The following SLC34A2 variants were observed in gnomAD, a reference collection of about 807,000 sequenced individuals.
The protein encoded by SLC34A2 is sodium-dependent phosphate transport protein 2B.
A neutral mutation model predicts 50.8 loss-of-function variants in SLC34A2; 41 were observed. That is an observed-to-expected ratio of 0.81 (90% CI 0.63 to 1.05). The LOEUF (loss-of-function observed/expected upper bound fraction) is 1.05, where lower values mean the gene tolerates loss of function less well. SLC34A2 is among the 50% of genes least tolerant of loss of function. SLC34A2 has a pLI of 0.00. For missense variants in SLC34A2, 879 were observed against 876.7 expected (o/e 1.00, Z -0.03); for synonymous variants, 401 against 364.2 (o/e 1.10, Z -1.15).
At chr4:25,659,947 G>A (rs1271560027) in intron 1 of SLC34A2, among the ~76,000 whole-genome samples, 1 of 152,224 alleles carries the variant, frequency 6.6e-6, no homozygotes, top group Non-Finnish European at 1.5e-5. Flanking sequence ...ATGGGAAAAA[G>A]AAGTGCTTTA....
intron 3 of SLC34A2, 62 bp downstream of exon 3, chr4:25,662,904 A>T: frequency 1.3e-6 from 2 of 1,586,318 alleles, no homozygotes; most frequent in Non-Finnish European, 1.7e-6. Flanking sequence ...CGGTGTCATC[A>T]TCCTCCTGTC....
intron 1 of SLC34A2, among the ~76,000 whole-genome samples, chr4:25,662,161 G>C (rs1714224801): frequency 6.6e-6 from 1 of 152,172 alleles, no homozygotes; most frequent in African/African-American, 2.4e-5. Flanking sequence ...CGTGAGCCAC[G>C]GTGCCCGTTG....
At chr4:25,670,669 C>T (rs1714763295) in intron 7 of SLC34A2, 69 bp from the exon 8 acceptor site, 2 of 1,246,604 alleles carry the variant, frequency 1.6e-6, no homozygotes, top group African/African-American at 1.5e-5. Flanking sequence ...CTCACTTCAA[C>T]CCCCTGGGTT....
At chr4:25,664,900 T>A (rs1714407824) in intron 4 of SLC34A2, 1 of 233,482 alleles carries the variant, frequency 4.3e-6, no homozygotes, top group African/African-American at 2.2e-5. Flanking sequence ...CTCCGTCTAC[T>A]GGGTGCAGGC....
intron 5 of SLC34A2, among the ~76,000 whole-genome samples, chr4:25,667,435 C>G (rs968243349): frequency 2.0e-5 from 3 of 152,206 alleles, no homozygotes; most frequent in Admixed American, 1.3e-4. Context: ...TCACTTTAAC[C>G]TGGGAGGTAG....
intron 12 of SLC34A2, 123 bp from the exon 13 acceptor site, chr4:25,676,012 A>T (rs928371083): frequency 6.8e-7 from 1 of 1,478,332 alleles, no homozygotes; most frequent in African/African-American, 1.4e-5. Context: ...AGGACAAAGA[A>T]GGCCTGGAAG....
chr4:25,664,448 G>C, intron 4 of SLC34A2, 118 bp downstream of exon 4: 1 of 1,066,846 alleles, frequency 9.4e-7, no homozygotes, highest in Non-Finnish European at 1.4e-6. Context: ...TTTAGGACTG[G>C]AACCGACCTC....
In SLC34A2 at chr4:25,668,650, A is replaced by T. The variant is rs200876763; in HGVS notation, c.635+659A>T. Among the ~76,000 whole-genome samples, 924 of 151,704 alleles carry T rather than the reference A, an allele frequency of 6.1e-3. 5 individuals carry two copies. The highest frequency in any genetic ancestry group is 0.014 in the East Asian group (70 of 5,184). ...GAGTGAGACTCCATCTAAAAAAAAA[A>T]AAAAAAATAAATAAATACTGTTTTG... On this transcript the variant is annotated intron_variant, in intron 6 of 12. Transcript: ENST00000382051.
rs1715118145 is a variant in SLC34A2 at position 25,676,389 on chromosome 4, C to T, written c.1713C>T (p.Cys571=). 11 of 1,614,018 alleles carry T rather than the reference C, an allele frequency of 6.8e-6. No homozygotes were observed. Among genetic ancestry groups the T allele is most frequent in the Non-Finnish European group, 9.3e-6 (11 of 1,179,984 alleles). The change falls in exon 13 of 13, where the codon TGC becomes TGT. Residue 571 remains cysteine (C), a synonymous_variant. Transcript: ENST00000382051. ...PVVFIIILVL[C]LRLLQSRCPR... ...TCTTCATCATCATCCTGGTACTGTG[C>T]CTCCGACTCCTGCAGTCTCGCTGCC... is the stretch of plus-strand genomic sequence containing the variant.
At chr4:25,658,994 T>C (rs908912956) in intron 1 of SLC34A2, among the ~76,000 whole-genome samples, 12 of 148,766 alleles carry the variant, frequency 8.1e-5, no homozygotes, top group South Asian at 2.2e-4. Flanking sequence ...TGAATGATCA[T>C]GTGGGAGTGA....
In SLC34A2 at chr4:25,674,345, C is replaced by T. The variant is rs547233904; in HGVS notation, c.1266C>T (p.Val422=). The change falls in exon 11 of 13, where the codon GTC becomes GTT. Residue 422 remains valine (V), a synonymous_variant. Coordinates refer to ENST00000382051, the MANE Select transcript of SLC34A2 (RefSeq NM_006424.3). The part of the protein sequence containing the change: ...AWLTGYLAIL[V]GAGMTFIVQS... ...TGACTGGCTACCTGGCCATCCTCGT[C>T]GGGGCAGGCATGACCTTCATCGTAC... 83 of 1,614,146 alleles carry T rather than the reference C, an allele frequency of 5.1e-5. No homozygotes were observed. Among genetic ancestry groups the T allele is most frequent in the Non-Finnish European group, 6.4e-5 (76 of 1,180,016 alleles).
chr4:25,668,649 A>AT (rs1161502494), intron 6 of SLC34A2, among the ~76,000 whole-genome samples: 8 of 151,812 alleles, frequency 5.3e-5, no homozygotes, highest in African/African-American at 1.9e-4. Context: ...CTAAAAAAAA[A>AT]AAAAAAAATA....
intron 9 of SLC34A2, 64 bp from the exon 10 acceptor site, chr4:25,673,019 GAATA>G: frequency 4.6e-6 from 7 of 1,512,058 alleles, no homozygotes; most frequent in Non-Finnish European, 6.4e-6. Flanking sequence ...GGATCTGGGG[GAATA>G]AATAACAATC....
intron 6 of SLC34A2, 83 bp from the exon 7 acceptor site, chr4:25,669,564 C>A: frequency 8.4e-7 from 1 of 1,190,174 alleles, no homozygotes; most frequent in Non-Finnish European, 1.3e-6. Context: ...CAGAGGGTGG[C>A]AGATGATACA....
chr4:25,657,296 A>G (rs1713933711), intron 1 of SLC34A2, among the ~76,000 whole-genome samples: 2 of 152,120 alleles, frequency 1.3e-5, no homozygotes, highest in Admixed American at 6.5e-5. Context: ...TTTGGAATAA[A>G]CTGGGCTTTA....
chr4:25,662,616 A>T lies in SLC34A2; in HGVS notation c.112+4A>T, dbSNP rs1407326479. The T allele has an allele frequency of 1.9e-6, 3 of 1,614,066 alleles. No homozygotes were observed. Among genetic ancestry groups the T allele is most frequent in the Non-Finnish European group, 2.5e-6 (3 of 1,179,988 alleles). ...AAAAGCAAAGAGACCAACAAAAGTA[A>T]GTGTCGCTCGTTTGTCTGCAGATCG... On this transcript the variant is annotated splice_donor_region_variant and intron_variant, in intron 2 of 12. Transcript: ENST00000382051.
chr4:25,676,716 C>T lies in SLC34A2; in HGVS notation c.2040C>T (p.Ala680=). ...GAGAGGCTCAGGGTGAGGTCCCTGC[C>T]TCGGACTCAAAGACCGAATGCACGG... ...ISREAQGEVP[A]SDSKTECTAL The change falls in exon 13 of 13, where the codon GCC becomes GCT. Residue 680 remains alanine, a synonymous_variant. Coordinates refer to ENST00000382051, the MANE Select transcript of SLC34A2 (RefSeq NM_006424.3). 1 of 1,614,136 alleles carries T rather than the reference C, an allele frequency of 6.2e-7. No individual in the cohort carries two copies. Among genetic ancestry groups the T allele is most frequent in the Non-Finnish European group, 8.5e-7 (1 of 1,180,004 alleles).
rs377357118 is a variant in SLC34A2 at position 25,676,555 on chromosome 4, C to G, written c.1879C>G (p.Arg627Gly). Reference sequence around the variant, plus strand: ...CTGCTGCTGCTGCCGCGTGTGCTGCCGCGCGTGCTGCTTGCTGTGTGACTG... The same window carrying G: ...CTGCTGCTGCTGCCGCGTGTGCTGCGGCGCGTGCTGCTTGCTGTGTGACTG... The part of the protein sequence containing the change: ...RCCCCCRVCC[R>G]ACCLLCDCPK... The change falls in exon 13 of 13, where the codon CGC becomes GGC. Residue 627 changes from arginine (R) to glycine (G), a missense_variant. Transcript: ENST00000382051. 21 of 1,612,634 alleles carry G rather than the reference C, an allele frequency of 1.3e-5. No homozygotes were observed. The highest frequency in any genetic ancestry group is 1.8e-5 in the Non-Finnish European group (21 of 1,178,820).
Position 25,673,002 on chromosome 4 carries a change from A to G in SLC34A2, c.1049-85A>G. ...TAACAACCAGGAATCTGTTTGTAGG[A>G]AAGACAGGATCTGGGGGAATAAATA... On this transcript the variant is annotated intron_variant, in intron 9 of 12. Coordinates refer to ENST00000382051, the MANE Select transcript of SLC34A2 (RefSeq NM_006424.3). 9 of 1,441,686 alleles carry G rather than the reference A, an allele frequency of 6.2e-6. No homozygotes were observed. In the South Asian group the frequency reaches 1.0e-4, roughly 17 times the overall value. The allele number at this position is 1,441,686 out of a possible 1,614,324, so 89.3% of individuals were successfully genotyped here. A position where few individuals can be genotyped will look rare whatever the true frequency, so the allele number is the denominator to read the frequency against.
Sources: gnomAD v4.1 joint callset for allele counts (sites outside exome capture counted in the v4.1 genomes callset) on GRCh38, gnomAD v4.1.1 for gene constraint, MANE v1.5 for transcripts, NCBI Gene and HGNC (gene_info 2026-07-23, HGNC 2026-07-21) for gene names.